Variants in CHRNB4 observed in about 807,000 individuals in gnomAD.
CHRNB4 encodes cholinergic receptor nicotinic beta 4 subunit.
In CHRNB4, 23 loss-of-function variants were observed where a neutral mutation model predicts 40.4. The ratio of observed to expected loss-of-function variants is 0.57; its 90% CI spans 0.41 to 0.81. The LOEUF (loss-of-function observed/expected upper bound fraction) is 0.81, where lower values mean the gene tolerates loss of function less well. Among genes scored for constraint, CHRNB4 ranks in the 30% least tolerant of loss-of-function variants. CHRNB4 has a pLI of 0.00. For missense variants in CHRNB4, 568 were observed against 670.6 expected (o/e 0.85, Z 1.69); for synonymous variants, 285 against 274.4 (o/e 1.04, Z -0.38).
At chr15:78,661,126 C>T (rs2054249424), upstream of CHRNB4, 2 of 620,484 alleles carry the variant, frequency 3.2e-6, no homozygotes, top group South Asian at 1.4e-5. Context: ...TTTGGTGTGG[C>T]TGTGCGGCGT....
chr15:78,648,753 C>CAA (rs35846146), intron 7 of CHRNB4, among the ~76,000 whole-genome samples: 1,445 of 79,880 alleles, frequency 0.018, 25 homozygotes, highest in Admixed American at 0.056. Flanking sequence ...GACTCTGTCT[C>CAA]AAAAAAAAAA....
chr15:78,632,739 T>G (rs531368365), intron 2 of CHRNB4, among the ~76,000 whole-genome samples: 26 of 152,284 alleles, frequency 1.7e-4, no homozygotes, highest in Non-Finnish European at 3.2e-4. Flanking sequence ...ATGTAACATG[T>G]TGGATACTCC....
chr15:78,631,127 A>G lies in CHRNB4; in HGVS notation c.308T>C (p.Leu103Pro). 1 of 1,614,230 alleles carries G rather than the reference A, an allele frequency of 6.2e-7. No individual in the cohort carries two copies. The highest frequency in any genetic ancestry group is 2.2e-5 in the East Asian group (1 of 44,884). ...NSSRYEGVNI[L>P]RIPAKRIWLP... ...CCAGATGCGCTTTGCAGGGATCCTCAGGATGTTCACACCCTCGTAGCGGGA... is the reference window on the plus strand; with the variant it reads ...CCAGATGCGCTTTGCAGGGATCCTCGGGATGTTCACACCCTCGTAGCGGGA... Residue 103 changes from leucine to proline, a missense_variant, in exon 4 of 6, where the codon CTG (leucine) becomes CCG (proline). Coordinates refer to ENST00000261751, the MANE Select transcript of CHRNB4 (RefSeq NM_000750.5).
chr15:78,629,632 C>T lies in CHRNB4; in HGVS notation c.673G>A (p.Asp225Asn), dbSNP rs267604334. 2.4e-5 allele frequency: 38 copies of T among 1,613,994 alleles called. No homozygotes were observed. In the African/African-American group the frequency reaches 2.7e-4, roughly 11 times the overall value. Residue 225 changes from aspartate (D) to asparagine (N), a missense_variant, in exon 5 of 6, where the codon GAC becomes AAC. By Grantham distance (23) the Asp-to-Asn change is conservative. Coordinates refer to ENST00000261751, the MANE Select transcript of CHRNB4 (RefSeq NM_000750.5). The surrounding 1 kb of genome is among the most constrained non-coding windows in gnomAD (Gnocchi z 6.8). ...QDPSYVDVTY[D>N]FIIKRKPLFY... is the part of the protein sequence containing the mutation. ...AGAGGCTTGCGCTTGATGATGAAGT[C>T]GTAAGTCACGTCCACGTAGCTGGGG...
intron 2 of CHRNB4, among the ~76,000 whole-genome samples, chr15:78,635,110 G>C (rs2053919018): frequency 6.6e-6 from 1 of 152,182 alleles, no homozygotes; most frequent in South Asian, 2.1e-4. Context: ...CTAGGGGAGA[G>C]AATAGGGTGG....
In CHRNB4 at chr15:78,660,275, T is replaced by G. The variant is rs554516466; in HGVS notation, c.-851+237A>C. ...CTGTGAGCTGCTACTCTGGGCACAC[T>G]GCCTATGGGGTAGCCCTGTCCCACA... On this transcript the variant is annotated intron_variant and NMD_transcript_variant, in intron 1 of 11. Transcript: ENST00000559849. Among the ~76,000 whole-genome samples, 9 of 151,648 alleles carry G rather than the reference T, an allele frequency of 5.9e-5. No homozygotes were observed. The South Asian group carries it at 1.9e-3, about 32-fold the overall frequency.
chr15:78,625,414 G>C (rs1596093661), intron 5 of CHRNB4, 123 bp from the exon 6 acceptor site: 2 of 906,262 alleles, frequency 2.2e-6, no homozygotes, highest in Non-Finnish European at 3.2e-6. Context: ...TGCATACTAG[G>C]GGGGCAAGTT....
chr15:78,641,425 G>C (rs1396785146), upstream of CHRNB4, among the ~76,000 whole-genome samples: 2 of 152,220 alleles, frequency 1.3e-5, no homozygotes, highest in Non-Finnish European at 2.9e-5. Context: ...GGACAGTGCG[G>C]GCACCCTTGG....
intron 7 of CHRNB4, among the ~76,000 whole-genome samples, chr15:78,647,809 G>A (rs1200849580): frequency 5.0e-5 from 6 of 120,934 alleles, no homozygotes; most frequent in East Asian, 2.6e-4. Context: ...GCACTGAGCC[G>A]ACATCACACC....
upstream of CHRNB4, chr15:78,641,330 G>A (rs944842815): frequency 1.4e-5 from 7 of 499,096 alleles, no homozygotes; most frequent in Non-Finnish European, 2.0e-5. Context: ...CCGCCCCGAC[G>A]CCCCCTGGGT....
Position 78,639,334 on chromosome 15 carries a change from C to T in CHRNB4, c.55+1745G>A, listed in dbSNP as rs144945818. On this transcript the variant is annotated intron_variant, in intron 1 of 5. Transcript: ENST00000261751. The stretch of plus-strand genomic sequence containing the variant: ...TTTCTGAGACGGAGTCTTGATCTGT[C>T]GCCCAGGCTGGAGTGCAGTGGCATG... Among the ~76,000 whole-genome samples the T allele has an allele frequency of 4.2e-3, 636 of 152,240 alleles. 8 individuals are homozygous for T. The highest frequency in any genetic ancestry group is 0.014 in the African/African-American group (581 of 41,534).
At chr15:78,626,370 G>GTC (rs2053657984) in intron 5 of CHRNB4, 1 of 145,498 alleles carries the variant, frequency 6.9e-6, no homozygotes, top group Admixed American at 7.0e-5. Flanking sequence ...GTGTGTGTGT[G>GTC]TGTGTGTGTG....
intron 1 of CHRNB4, among the ~76,000 whole-genome samples, chr15:78,658,805 C>A (rs917038814): frequency 3.3e-5 from 5 of 152,130 alleles, no homozygotes; most frequent in African/African-American, 1.2e-4. Flanking sequence ...AAGCAGTGGC[C>A]TCCAAATAAA....
chr15:78,658,110 A>C (rs2054228940), intron 2 of CHRNB4, among the ~76,000 whole-genome samples: 1 of 140,736 alleles, frequency 7.1e-6, no homozygotes, highest in South Asian at 2.2e-4. Context: ...AGCTCACTGC[A>C]ATCTCTGCCT....
upstream of CHRNB4, among the ~76,000 whole-genome samples, chr15:78,641,992 C>T (rs563919779): frequency 2.8e-4 from 43 of 152,366 alleles, no homozygotes; most frequent in Non-Finnish European, 5.1e-4. Context: ...GCTTCTCCAA[C>T]TCTCTCAGTC....
At position 78,641,002 on chromosome 15, in the gene CHRNB4, C is replaced by T. The variant is rs576457363; in HGVS notation, c.55+77G>A. 2.8e-5 allele frequency: 41 copies of T among 1,442,716 alleles called. No homozygotes were observed. The African/African-American group carries it at 5.8e-4, about 20-fold the overall frequency. 89.4% of individuals were successfully genotyped at this position (1,442,716 alleles called of 1,614,324 possible). A position where few individuals can be genotyped will look rare whatever the true frequency, so the allele number is the denominator to read the frequency against. ...CCCCGGGCGCAGGGCACCCTCCCTT[C>T]CCTCCCACCTGTGGCCAGTCCAGCC... is the stretch of plus-strand genomic sequence containing the variant. On this transcript the variant is annotated intron_variant, in intron 1 of 5. Transcript: ENST00000261751.
At position 78,631,133 on chromosome 15, in the gene CHRNB4, T is replaced by C; in HGVS notation, c.302A>G (p.Asn101Ser). The change falls in exon 4 of 6, where the codon AAC becomes AGC. Residue 101 changes from asparagine (N) to serine (S), a missense_variant. Coordinates refer to ENST00000261751, the MANE Select transcript of CHRNB4 (RefSeq NM_000750.5). ...GCGCTTTGCAGGGATCCTCAGGATG[T>C]TCACACCCTCGTAGCGGGAGCTGTT... ...TWNSSRYEGVNILRIPAKRIW... is the reference protein window; with the variant it reads ...TWNSSRYEGVSILRIPAKRIW... The C allele has an allele frequency of 6.2e-7, 1 of 1,614,198 alleles. No individual in the cohort carries two copies. The highest frequency in any genetic ancestry group is 1.3e-5 in the African/African-American group (1 of 75,060).
intron 5 of CHRNB4, among the ~76,000 whole-genome samples, chr15:78,652,978 C>T (rs1746727382): frequency 6.6e-6 from 1 of 152,166 alleles, no homozygotes; most frequent in African/African-American, 2.4e-5. Flanking sequence ...GGCAAGTTAT[C>T]TCACATTTTT....
chr15:78,641,226 C>G, upstream of CHRNB4: 1 of 1,204,110 alleles, frequency 8.3e-7, no homozygotes, highest in Non-Finnish European at 1.1e-6. Context: ...CCGGTCCTGG[C>G]CCCCGAGGTT....
Sources: gnomAD v4.1 joint callset for allele counts (sites outside exome capture counted in the v4.1 genomes callset) on GRCh38, gnomAD v4.1.1 for gene constraint, Gnocchi (gnomAD v3.1) non-coding constraint, MANE v1.5 for transcripts, NCBI Gene and HGNC (gene_info 2026-07-23, HGNC 2026-07-21) for gene names.